FUT9: variants seen among roughly 807,000 people sequenced by gnomAD.
The protein encoded by FUT9 is fucosyltransferase 9.
A neutral mutation model predicts 29.7 loss-of-function variants in FUT9; 15 were observed. The observed-to-expected ratio is 0.51, with a 90% CI of 0.34 to 0.78. The LOEUF (loss-of-function observed/expected upper bound fraction) is 0.78. Among genes scored for constraint, FUT9 ranks in the 30% least tolerant of loss-of-function variants. The pLI is 0.01. For synonymous variants in FUT9, 169 were observed against 153.7 expected, an observed-to-expected ratio of 1.10 and a Z score of -0.74; for missense variants, 319 against 425.4, an observed-to-expected ratio of 0.75 and a Z score of 2.20.
chr6:96,024,738 C>A (rs1262192463), intron 1 of FUT9, among the ~76,000 whole-genome samples: 3 of 151,746 alleles, frequency 2.0e-5, no homozygotes, highest in Admixed American at 1.3e-4. Flanking sequence ...TTGATAACCT[C>A]AAGAATTTAC....
chr6:96,106,709 G>T (rs1417583374), intron 1 of FUT9, among the ~76,000 whole-genome samples: 1 of 152,114 alleles, frequency 6.6e-6, no homozygotes, highest in African/African-American at 2.4e-5. Flanking sequence ...GAAGCTCCCA[G>T]GCTACTGACT....
chr6:96,114,823 T>G (rs1379253044), intron 2 of FUT9, among the ~76,000 whole-genome samples: 5 of 152,054 alleles, frequency 3.3e-5, no homozygotes, highest in Admixed American at 2.6e-4. Context: ...GAGAAAGAAA[T>G]AAAACAGCCC....
At chr6:96,086,527 A>T (rs1294553789) in intron 1 of FUT9, among the ~76,000 whole-genome samples, 1 of 152,184 alleles carries the variant, frequency 6.6e-6, no homozygotes, top group African/African-American at 2.4e-5. Flanking sequence ...CCCATCTTAA[A>T]GTCACAAAGA....
intron 2 of FUT9, among the ~76,000 whole-genome samples, chr6:96,172,655 A>G (rs1582284047): frequency 5.8e-5 from 3 of 52,110 alleles, no homozygotes; most frequent in South Asian, 4.4e-3. Context: ...CCCGTTATTG[A>G]AAAAAAAAAC....
rs750396405 is a variant in FUT9 at position 96,203,963 on chromosome 6, C to G, written c.808C>G (p.Leu270Val). ...AFLAGSVPVV[L>V]GPSRENYENY... ...TCTGGCTGGCTCTGTACCTGTTGTTCTGGGACCATCTAGGGAAAACTATGA... is the reference window on the plus strand; with the variant it reads ...TCTGGCTGGCTCTGTACCTGTTGTTGTGGGACCATCTAGGGAAAACTATGA... The change falls in exon 3 of 3, where the codon CTG (leucine) becomes GTG (valine). Residue 270 changes from leucine to valine, a missense_variant. By Grantham distance (32) the Leu-to-Val change is conservative. Transcript: ENST00000302103. The G allele has an allele frequency of 6.2e-7, 1 of 1,613,460 alleles. No individual in the cohort carries two copies. Among genetic ancestry groups the G allele is most frequent in the Non-Finnish European group, 8.5e-7 (1 of 1,179,734 alleles).
At chr6:96,185,150 A>AT (rs5878425) in intron 2 of FUT9, among the ~76,000 whole-genome samples, 109,971 of 149,338 alleles carry the variant, frequency 0.74, 42,263 homozygotes, top group South Asian at 0.91. Context: ...TATTTTTAGA[A>AT]TTTTTTTTTT....
chr6:96,139,116 G>A (rs1421679982), intron 2 of FUT9, among the ~76,000 whole-genome samples: 1 of 152,144 alleles, frequency 6.6e-6, no homozygotes, highest in East Asian at 1.9e-4. Context: ...GAGAAAGCAA[G>A]TTAGTTACTT....
intron 2 of FUT9, among the ~76,000 whole-genome samples, chr6:96,124,100 T>A (rs1203961855): frequency 6.6e-6 from 1 of 152,064 alleles, no homozygotes; most frequent in Non-Finnish European, 1.5e-5. Flanking sequence ...ATCACAAATG[T>A]CTGCTTATTA....
intron 2 of FUT9, among the ~76,000 whole-genome samples, chr6:96,117,719 C>T (rs544480547): frequency 2.0e-5 from 3 of 152,252 alleles, no homozygotes; most frequent in Middle Eastern, 3.4e-3. Context: ...TAACTTGTAC[C>T]ACATCAAGAA....
rs182801645 is a variant in FUT9 at position 96,198,150 on chromosome 6, G to A, written c.-8-4998G>A. Reference sequence around the variant, plus strand: ...TTATTATTGTACTTTAAGTTTTAGGGTACATGTGCACAATGTGCAGGTTAG... The same window carrying A: ...TTATTATTGTACTTTAAGTTTTAGGATACATGTGCACAATGTGCAGGTTAG... On this transcript the variant is annotated intron_variant, in intron 2 of 2. Transcript: ENST00000302103. Among the ~76,000 whole-genome samples, 99 of 151,076 alleles carry A rather than the reference G, an allele frequency of 6.6e-4. 1 individual carries two copies. The highest frequency in any genetic ancestry group is 2.2e-3 in the African/African-American group (92 of 41,070).
chr6:96,049,409 C>T lies in FUT9; in HGVS notation c.-98+33197C>T, dbSNP rs559899797. 1.2e-4 allele frequency among the ~76,000 whole-genome samples: 18 copies of T among 152,318 alleles called. No homozygotes were observed. The South Asian group carries it at 3.5e-3, about 30-fold the overall frequency. On this transcript the variant is annotated intron_variant, in intron 1 of 2. Coordinates refer to ENST00000302103, the MANE Select transcript of FUT9 (RefSeq NM_006581.4). ...ATAGAAGACTAAAAACATTTATACA[C>T]AATTTACACATCTCTTTCTAATAAA...
chr6:96,131,589 T>C (rs1178649504), intron 2 of FUT9, among the ~76,000 whole-genome samples: 1 of 152,134 alleles, frequency 6.6e-6, no homozygotes, highest in Admixed American at 6.6e-5. Context: ...ATTCTACTGC[T>C]TCTAGACCTT....
chr6:96,210,498 C>T lies in FUT9; in HGVS notation c.*6263C>T, dbSNP rs1396000307. 1.2e-5 allele frequency: 2 copies of T among 166,746 alleles called. No individual in the cohort carries two copies. The highest frequency in any genetic ancestry group is 2.9e-5 in the Non-Finnish European group (2 of 68,010). 10.3% of individuals were successfully genotyped at this position (166,746 alleles called of 1,614,324 possible). ...TTTGAGGAAGAGCCCAGAAGTCTAA[C>T]AGGTGTAAATGTTCCACAGGTAATA... is the stretch of plus-strand genomic sequence containing the variant. On this transcript the variant is annotated 3_prime_UTR_variant, in exon 3 of 3. Coordinates refer to ENST00000302103, the MANE Select transcript of FUT9 (RefSeq NM_006581.4).
chr6:96,123,357 A>G (rs1036149851), intron 2 of FUT9, among the ~76,000 whole-genome samples: 3 of 152,180 alleles, frequency 2.0e-5, no homozygotes, highest in African/African-American at 7.2e-5. Flanking sequence ...GGCAAAATAT[A>G]ATTGTCAGGC....
intron 1 of FUT9, among the ~76,000 whole-genome samples, chr6:96,078,335 T>A (rs1325541567): frequency 1.3e-5 from 2 of 150,862 alleles, no homozygotes; most frequent in Non-Finnish European, 3.0e-5. Flanking sequence ...AGCTCAGATA[T>A]TCAATACACC....
At chr6:96,065,293 G>A (rs1770943885) in intron 1 of FUT9, among the ~76,000 whole-genome samples, 1 of 152,150 alleles carries the variant, frequency 6.6e-6, no homozygotes, top group African/African-American at 2.4e-5. Flanking sequence ...TGTTCAGTAT[G>A]AATGTTTTGA....
chr6:96,103,610 T>C (rs897634994), intron 1 of FUT9, among the ~76,000 whole-genome samples: 10 of 152,178 alleles, frequency 6.6e-5, no homozygotes, highest in Non-Finnish European at 1.0e-4. Flanking sequence ...CTAGCAAGTT[T>C]CTTGGTTTGT....
chr6:96,053,346 GTCTT>G (rs1378215470), intron 1 of FUT9, among the ~76,000 whole-genome samples: 2 of 152,024 alleles, frequency 1.3e-5, no homozygotes, highest in Non-Finnish European at 2.9e-5. Flanking sequence ...GAAGAAGGAA[GTCTT>G]TCTATTTTCA....
rs1341562518 is a variant in FUT9 at position 96,211,194 on chromosome 6, G to A, written c.*6959G>A. ...TACTAAGTTACGGAAGGGGTGTGAG[G>A]AGCTGGCAGTGGTGGTGAATAGGCA... On this transcript the variant is annotated 3_prime_UTR_variant, in exon 3 of 3. Transcript: ENST00000302103. The A allele has an allele frequency of 6.0e-6, 1 of 166,682 alleles. No individual in the cohort carries two copies. The highest frequency in any genetic ancestry group is 1.5e-5 in the Non-Finnish European group (1 of 67,986). The allele number at this position is 166,682 out of a possible 1,614,324, so 10.3% of individuals were successfully genotyped here.
Sources: gnomAD v4.1 joint callset for allele counts (sites outside exome capture counted in the v4.1 genomes callset) on GRCh38, gnomAD v4.1.1 for gene constraint, MANE v1.5 for transcripts, NCBI Gene and HGNC (gene_info 2026-07-23, HGNC 2026-07-21) for gene names.